The following STK32B variants were observed in gnomAD, a reference collection of about 807,000 sequenced individuals.
STK32B encodes the protein serine/threonine-protein kinase 32B.
A neutral mutation model predicts 52.6 loss-of-function variants in STK32B; 43 were observed. The ratio of observed to expected loss-of-function variants is 0.82; its 90% CI spans 0.64 to 1.05. The LOEUF is 1.05. STK32B is among the 50% of genes least tolerant of loss of function. The pLI is 0.00. For missense variants in STK32B, 621 were observed against 534.6 expected (o/e 1.16, Z -1.59); for synonymous variants, 238 against 204.3 (o/e 1.17, Z -1.41).
upstream of STK32B, among the ~76,000 whole-genome samples, chr4:5,047,629 G>A (rs1267905394): frequency 2.0e-5 from 3 of 152,100 alleles, no homozygotes; most frequent in Non-Finnish European, 2.9e-5. Context: ...TACCAGTGCT[G>A]AGCAAGACCC....
At chr4:5,418,770 G>C (rs1033115569) in intron 6 of STK32B, among the ~76,000 whole-genome samples, 3 of 152,208 alleles carry the variant, frequency 2.0e-5, no homozygotes, top group Admixed American at 2.0e-4. Flanking sequence ...GCCTTATAAG[G>C]CACTGTATAT....
In STK32B at chr4:5,468,060, A is replaced by C. The variant is rs751115471; in HGVS notation, c.1096A>C (p.Asn366His). The C allele has an allele frequency of 1.2e-6, 2 of 1,614,156 alleles. No individual in the cohort carries two copies. Among genetic ancestry groups the C allele is most frequent in the East Asian group, 2.2e-5 (1 of 44,872 alleles). ...ETVREEFIIF[N>H]REKLRRQQGQ... ...TGTCCGGGAGGAATTCATCATATTC[A>C]ACAGAGAGAAGTAAGTCCTTCATAC... Residue 366 changes from asparagine to histidine, a missense_variant, in exon 11 of 12, where the codon AAC becomes CAC. Physicochemically the swap from Asn to His is moderately conservative, Grantham distance 68. Coordinates refer to ENST00000282908, the MANE Select transcript of STK32B (RefSeq NM_018401.3).
intron 4 of STK32B, among the ~76,000 whole-genome samples, chr4:5,336,968 CTTTTGTTTTTGT>C: frequency 6.6e-6 from 1 of 152,122 alleles, no homozygotes. Flanking sequence ...TTTTGAATTT[CTTTTGTTTTTGT>C]TTTTGTTTTC....
intron 3 of STK32B, among the ~76,000 whole-genome samples, chr4:5,262,702 T>G (rs1429496513): frequency 1.3e-5 from 2 of 152,136 alleles, no homozygotes; most frequent in Admixed American, 1.3e-4. Flanking sequence ...AACCAATTTT[T>G]TAAAGCATAT....
chr4:5,480,830 G>C (rs765865192), intron 11 of STK32B, among the ~76,000 whole-genome samples: 1 of 152,008 alleles, frequency 6.6e-6, no homozygotes, highest in Non-Finnish European at 1.5e-5. Context: ...ATAACATGCG[G>C]TGTTTGGTGT....
At chr4:5,199,637 T>C (rs1721970394) in intron 3 of STK32B, among the ~76,000 whole-genome samples, 1 of 152,248 alleles carries the variant, frequency 6.6e-6, no homozygotes, top group Non-Finnish European at 1.5e-5. Context: ...AAAATGTTAT[T>C]AAGTTAGTTA....
In STK32B at chr4:5,396,984, A is replaced by G. The variant is rs1268652844; in HGVS notation, c.435-1223A>G. Among the ~76,000 whole-genome samples, 1 of 152,216 alleles carries G rather than the reference A, an allele frequency of 6.6e-6. No individual in the cohort carries two copies. Among genetic ancestry groups the G allele is most frequent in the Admixed American group, 6.5e-5 (1 of 15,276 alleles). On this transcript the variant is annotated intron_variant, in intron 4 of 11. Transcript: ENST00000282908. This position sits in a 1 kb window ranked among gnomAD's most constrained non-coding sequence, Gnocchi z 4.7. Reference sequence around the variant, plus strand: ...CTCGGCAGCAGGGGCCCACGTACTCAATGCTCCTCGGTACTCATGGGTTTG... The same window carrying G: ...CTCGGCAGCAGGGGCCCACGTACTCGATGCTCCTCGGTACTCATGGGTTTG...
intron 3 of STK32B, among the ~76,000 whole-genome samples, chr4:5,209,880 A>T (rs965695461): frequency 6.6e-6 from 1 of 152,178 alleles, no homozygotes; most frequent in East Asian, 1.9e-4. Flanking sequence ...TGGCCCCCCA[A>T]CTGTCTACTT....
At chr4:5,478,180 C>A (rs961258957) in intron 11 of STK32B, among the ~76,000 whole-genome samples, 6 of 152,110 alleles carry the variant, frequency 3.9e-5, no homozygotes, top group Non-Finnish European at 8.8e-5. Context: ...CACTTTTCTC[C>A]CAAAGGATGG....
In STK32B at chr4:5,143,557, G is replaced by C. The variant is rs1398688564; in HGVS notation, c.108+3597G>C. 2.0e-5 allele frequency among the ~76,000 whole-genome samples: 3 copies of C among 152,132 alleles called. No homozygotes were observed. The South Asian group carries it at 6.2e-4, about 32-fold the overall frequency. ...TGGGTGAAGAGTTGAAGTTTCCCTT[G>C]TATGGTGAGAGGAGCCACATGGTCC... On this transcript the variant is annotated intron_variant, in intron 2 of 11. Transcript: ENST00000282908.
rs749283567 is a variant in STK32B at position 5,416,906 on chromosome 4, CT to C, written c.535del (p.Ser179ProfsTer81). On this transcript the variant is annotated frameshift_variant, in exon 6 of 12. Coordinates refer to ENST00000282908, the MANE Select transcript of STK32B (RefSeq NM_018401.3). LOFTEE classifies it high-confidence loss of function. ...TVVKGAERAS[S>X]MAGTKPYMAP... ...TAGTGAAAGGAGCAGAAAGGGCTTCCTCCATGGCTGGCACCAAGCCCTACAT... is the reference window on the plus strand; with the variant it reads ...TAGTGAAAGGAGCAGAAAGGGCTTCCCCATGGCTGGCACCAAGCCCTACAT... The C allele has an allele frequency of 6.2e-7, 1 of 1,613,724 alleles. No individual in the cohort carries two copies. The highest frequency in any genetic ancestry group is 8.5e-7 in the Non-Finnish European group (1 of 1,179,842).
intron 2 of STK32B, among the ~76,000 whole-genome samples, chr4:5,140,727 C>G (rs1716376802): frequency 1.3e-5 from 2 of 152,152 alleles, no homozygotes; most frequent in Non-Finnish European, 2.9e-5. Context: ...AGGCATGTGA[C>G]TTAAGAAGTT....
chr4:5,295,084 T>G (rs1006102833), intron 3 of STK32B, among the ~76,000 whole-genome samples: 2 of 152,208 alleles, frequency 1.3e-5, no homozygotes, highest in African/African-American at 4.8e-5. Context: ...ATTTATTGTT[T>G]TGCATATGTT....
At position 5,451,184 on chromosome 4, in the gene STK32B, A is replaced by G. The variant is rs185667210; in HGVS notation, c.666+4408A>G. 4.9e-4 allele frequency among the ~76,000 whole-genome samples: 75 copies of G among 152,362 alleles called. 1 individual carries two copies. The highest frequency in any genetic ancestry group is 4.1e-3 in the Admixed American group (62 of 15,306). On this transcript the variant is annotated intron_variant, in intron 7 of 11. Transcript: ENST00000282908. ...ACACACACAACGATGATTCCACAAG[A>G]CAGGTAGATGCAGGTAAAGCTCTGC...
chr4:5,148,356 G>T (rs914332770), intron 2 of STK32B, among the ~76,000 whole-genome samples: 1 of 151,608 alleles, frequency 6.6e-6, no homozygotes, highest in Non-Finnish European at 1.5e-5. Context: ...TAGACATTTT[G>T]TTCTAATATA....
chr4:5,063,771 A>G (rs2108760540), intron 1 of STK32B, among the ~76,000 whole-genome samples: 1 of 152,348 alleles, frequency 6.6e-6, no homozygotes, highest in East Asian at 1.9e-4. Context: ...TTCAAAAGTC[A>G]CATGTGGCTA....
intron 3 of STK32B, among the ~76,000 whole-genome samples, chr4:5,208,835 T>A (rs1722735996): frequency 6.6e-6 from 1 of 152,250 alleles, no homozygotes; most frequent in Admixed American, 6.5e-5. Flanking sequence ...CAAGCCCATC[T>A]GGTAGATATG....
chr4:5,356,221 C>T (rs1734162958), intron 4 of STK32B, among the ~76,000 whole-genome samples: 1 of 152,176 alleles, frequency 6.6e-6, no homozygotes, highest in African/African-American at 2.4e-5. Context: ...GGCAGCATCA[C>T]TCTGATTTCT....
At chr4:5,230,490 A>G (rs766914336) in intron 3 of STK32B, among the ~76,000 whole-genome samples, 1 of 152,030 alleles carries the variant, frequency 6.6e-6, no homozygotes, top group Non-Finnish European at 1.5e-5. Flanking sequence ...GCACCCGGCC[A>G]CATTCCACTT....
Sources: gnomAD v4.1 joint callset for allele counts (sites outside exome capture counted in the v4.1 genomes callset) on GRCh38, gnomAD v4.1.1 for gene constraint, Gnocchi (gnomAD v3.1) non-coding constraint, MANE v1.5 for transcripts, NCBI Gene and HGNC (gene_info 2026-07-23, HGNC 2026-07-21) for gene names.